Variants in MARK2 observed in about 807,000 individuals in gnomAD.
The protein encoded by MARK2 is microtubule affinity regulating kinase 2.
MARK2 carries 16 observed loss-of-function variants against 89.8 expected under a neutral mutation model. The ratio of observed to expected loss-of-function variants is 0.18; its 90% CI spans 0.12 to 0.27. The LOEUF is 0.27. MARK2 is among the 10% of genes least tolerant of loss of function. The pLI is 1.00. For synonymous variants in MARK2, 382 were observed against 399.5 expected, an observed-to-expected ratio of 0.96 and a Z score of 0.52; for missense variants, 621 against 1,049.9, an observed-to-expected ratio of 0.59 and a Z score of 5.65.
Position 63,909,432 on chromosome 11 carries a change from T to A in MARK2, c.*195T>A. 1.9e-6 allele frequency: 1 copy of A among 528,828 alleles called. No individual in the cohort carries two copies. The highest frequency in any genetic ancestry group is 2.8e-5 in the South Asian group (1 of 35,670). 32.8% of individuals were successfully genotyped at this position (528,828 alleles called of 1,614,324 possible). On this transcript the variant is annotated 3_prime_UTR_variant, in exon 19 of 19. Transcript: ENST00000402010. ...GGAGATTGTTCTCCAGCACCCCACATTCACCCCTGCCCAGAGATTCCCCCT... is the reference window on the plus strand; with the variant it reads ...GGAGATTGTTCTCCAGCACCCCACAATCACCCCTGCCCAGAGATTCCCCCT...
At chr11:63,876,178 T>G (rs1938741408) in intron 1 of MARK2, among the ~76,000 whole-genome samples, 1 of 152,206 alleles carries the variant, frequency 6.6e-6, no homozygotes, top group African/African-American at 2.4e-5. Context: ...GGGTGCAGAC[T>G]TGAACCCAAG....
chr11:63,876,657 G>A lies in MARK2; in HGVS notation c.55-18502G>A, dbSNP rs561426838. On this transcript the variant is annotated intron_variant, in intron 1 of 18. Coordinates refer to ENST00000402010, the MANE Select transcript of MARK2 (RefSeq NM_001039469.3). ...GTTTATGCCGCCATTCCTATTGCCA[G>A]TTAGAGCTGCCTTTTAGGATTTGTT... Among the ~76,000 whole-genome samples the A allele has an allele frequency of 9.2e-5, 14 of 152,314 alleles. No individual in the cohort carries two copies. In the South Asian group the frequency reaches 2.7e-3, roughly 29 times the overall value.
chr11:63,893,683 C>G lies in MARK2; in HGVS notation c.55-1476C>G, dbSNP rs375058657. Among the ~76,000 whole-genome samples, 4 of 152,044 alleles carry G rather than the reference C, an allele frequency of 2.6e-5. No individual in the cohort carries two copies. In the East Asian group the frequency reaches 5.8e-4, roughly 22 times the overall value. On this transcript the variant is annotated intron_variant, in intron 1 of 18. Coordinates refer to ENST00000402010, the MANE Select transcript of MARK2 (RefSeq NM_001039469.3). ...ACCCTTTTTGTACAGGTTGAACATC[C>G]GTAATCCAAAAGCCAAAATGCTCCA...
intron 18 of MARK2, 98 bp from the exon 19 acceptor site, chr11:63,908,779 G>C: frequency 7.8e-7 from 1 of 1,275,294 alleles, no homozygotes; most frequent in Non-Finnish European, 1.0e-6. Context: ...GCTCCCTCCC[G>C]CTCTCCTCTC....
At chr11:63,881,388 G>A (rs1939079358) in intron 1 of MARK2, among the ~76,000 whole-genome samples, 1 of 152,152 alleles carries the variant, frequency 6.6e-6, no homozygotes, top group Non-Finnish European at 1.5e-5. Flanking sequence ...CAAGGGCAAC[G>A]AATGCCTCGA....
intron 1 of MARK2, among the ~76,000 whole-genome samples, chr11:63,882,951 C>T (rs888628704): frequency 6.6e-6 from 1 of 152,232 alleles, no homozygotes; most frequent in Non-Finnish European, 1.5e-5. Context: ...ATGCTGCAGG[C>T]TTCCTTCTGC....
rs1590719255 is a variant in MARK2, at chr11:63,908,310, A to G, written c.2006+6A>G. 1 of 1,560,446 alleles carries G rather than the reference A, an allele frequency of 6.4e-7. No individual in the cohort carries two copies. Among genetic ancestry groups the G allele is most frequent in the Non-Finnish European group, 8.7e-7 (1 of 1,151,610 alleles). On this transcript the variant is annotated splice_donor_region_variant and intron_variant, in intron 18 of 18. Coordinates refer to ENST00000402010, the MANE Select transcript of MARK2 (RefSeq NM_001039469.3). ...GACCGAGTGGAGACGCTCAGGTGAG[A>G]GGGCTGGAGCCAGCACTGGCCCTGC...
chr11:63,903,448 C>CTA lies in MARK2; in HGVS notation c.1514+291_1514+292dup. ...GCCAGGGCATGGCAGCTGCCCTCCT[C>CTA]TAGACATGAGCAGCTAAGGCCTTGT... On this transcript the variant is annotated intron_variant, in intron 14 of 18. Transcript: ENST00000402010. This position sits in a 1 kb window ranked among gnomAD's most constrained non-coding sequence, Gnocchi z 5.1. 1 of 453,562 alleles carries CTA rather than the reference C, an allele frequency of 2.2e-6. No homozygotes were observed. Among genetic ancestry groups the CTA allele is most frequent in the Non-Finnish European group, 4.1e-6 (1 of 244,854 alleles). The allele number at this position is 453,562 out of a possible 1,614,324, so 28.1% of individuals were successfully genotyped here. A position where few individuals can be genotyped will look rare whatever the true frequency, so the allele number is the denominator to read the frequency against.
rs2015878789 is a variant in MARK2 at position 63,839,248 on chromosome 11, G to A, written c.-259G>A. 1 of 249,562 alleles carries A rather than the reference G, an allele frequency of 4.0e-6. No homozygotes were observed. The highest frequency in any genetic ancestry group is 7.5e-6 in the Non-Finnish European group (1 of 133,120). The allele number at this position is 249,562 out of a possible 1,614,324, so 15.5% of individuals were successfully genotyped here. On this transcript the variant is annotated 5_prime_UTR_variant, in exon 1 of 19. Transcript: ENST00000402010. ...GGCGGCAGAGAGTAGGCGGAGCGGC[G>A]CGGCCCGGCCGAAAGGCGGCACAGC...
intron 7 of MARK2, 35 bp from the exon 8 acceptor site, chr11:63,899,839 C>T (rs1565139134): frequency 6.9e-7 from 1 of 1,453,188 alleles, no homozygotes; most frequent in Non-Finnish European, 9.7e-7. Flanking sequence ...GTCTGGTCCA[C>T]TTGGTTCCCT....
chr11:63,890,900 G>A (rs1939794369), intron 1 of MARK2, among the ~76,000 whole-genome samples: 1 of 152,234 alleles, frequency 6.6e-6, no homozygotes, highest in African/African-American at 2.4e-5. Flanking sequence ...GCTTGAACCT[G>A]ATTCTGTTGG....
chr11:63,898,485 T>TGGAG (rs1940601415), intron 4 of MARK2, 123 bp from the exon 5 acceptor site: 1 of 915,108 alleles, frequency 1.1e-6, no homozygotes, highest in Non-Finnish European at 1.8e-6. Flanking sequence ...GAACTTGTTC[T>TGGAG]TGGGAGTGGG....
intron 17 of MARK2, among the ~76,000 whole-genome samples, chr11:63,906,803 C>CT (rs1386900491): frequency 1.3e-5 from 2 of 151,864 alleles, no homozygotes; most frequent in African/African-American, 4.8e-5. Context: ...TCCTGCAGAA[C>CT]TAGCCCCACC....
intron 1 of MARK2, among the ~76,000 whole-genome samples, chr11:63,866,272 A>T (rs1010793091): frequency 1.6e-4 from 24 of 151,650 alleles, no homozygotes; most frequent in Admixed American, 1.6e-3. Context: ...GAATTGCTTG[A>T]ACCCAGAAGG....
chr11:63,865,328 C>T (rs1442941967), intron 1 of MARK2, among the ~76,000 whole-genome samples: 2 of 147,120 alleles, frequency 1.4e-5, no homozygotes, highest in African/African-American at 2.5e-5. Flanking sequence ...AGCCTCGGCC[C>T]CCAAGGTTCA....
At chr11:63,848,929 G>T (rs968863298) in intron 1 of MARK2, among the ~76,000 whole-genome samples, 1 of 151,232 alleles carries the variant, frequency 6.6e-6, no homozygotes, top group African/African-American at 2.4e-5. Flanking sequence ...GGATGGTCTC[G>T]ATCTCCTGAC....
At chr11:63,885,348 G>A (rs960779451) in intron 1 of MARK2, among the ~76,000 whole-genome samples, 3 of 151,722 alleles carry the variant, frequency 2.0e-5, no homozygotes, top group African/African-American at 4.8e-5. Context: ...GTACCAGCCT[G>A]GACAAGCTTG....
intron 3 of MARK2, 133 bp from the exon 4 acceptor site, chr11:63,898,099 A>G: frequency 1.4e-6 from 1 of 734,798 alleles, no homozygotes; most frequent in Non-Finnish European, 2.4e-6. Context: ...TGCATGAGCT[A>G]GACAACCACC....
At chr11:63,876,637 T>G (rs1938772342) in intron 1 of MARK2, among the ~76,000 whole-genome samples, 2 of 152,354 alleles carry the variant, frequency 1.3e-5, no homozygotes, top group South Asian at 4.1e-4. Flanking sequence ...TCTTCGTTTA[T>G]GCCGCCATTC....
Sources: allele counts gnomAD v4.1 joint callset (sites outside exome capture counted in the v4.1 genomes callset), GRCh38; gene constraint gnomAD v4.1.1; non-coding constraint Gnocchi (gnomAD v3.1); transcripts MANE v1.5; gene names NCBI Gene and HGNC (gene_info 2026-07-23, HGNC 2026-07-21).